Variants in TAFA1 observed in about 807,000 individuals in gnomAD.
TAFA1 encodes the protein TAFA chemokine like family member 1.
In TAFA1, 4 loss-of-function variants were observed where a neutral mutation model predicts 18.5. The observed-to-expected ratio is 0.22, with a 90% CI of 0.11 to 0.49. TAFA1 has a LOEUF of 0.49. Among genes scored for constraint, TAFA1 ranks in the 20% least tolerant of loss-of-function variants. The pLI, the probability that TAFA1 is intolerant of heterozygous loss-of-function variation, is 0.98. For missense variants in TAFA1, 147 were observed against 169.0 expected (o/e 0.87, Z 0.72); for synonymous variants, 56 against 55.2 (o/e 1.01, Z -0.06).
intron 2 of TAFA1, among the ~76,000 whole-genome samples, chr3:68,166,398 T>C (rs2065982583): frequency 6.6e-6 from 1 of 152,154 alleles, no homozygotes; most frequent in Admixed American, 6.5e-5. Flanking sequence ...TATATTATCA[T>C]GCGTTTGAGG....
At chr3:68,175,004 C>T (rs775690767) in intron 2 of TAFA1, among the ~76,000 whole-genome samples, 10 of 152,162 alleles carry the variant, frequency 6.6e-5, no homozygotes, top group Non-Finnish European at 1.0e-4. Flanking sequence ...TGAAAGGGGC[C>T]AATGAAGAGC....
At chr3:68,039,666 T>G (rs934992450) in intron 2 of TAFA1, among the ~76,000 whole-genome samples, 1 of 152,154 alleles carries the variant, frequency 6.6e-6, no homozygotes, top group Non-Finnish European at 1.5e-5. Flanking sequence ...GATGCAGACC[T>G]TGAAACAAGG....
At chr3:68,324,255 GCCTT>G (rs2068740975) in intron 2 of TAFA1, among the ~76,000 whole-genome samples, 1 of 27,776 alleles carries the variant, frequency 3.6e-5, no homozygotes, top group Admixed American at 3.2e-4. Flanking sequence ...GATAAATATA[GCCTT>G]GTTGATAAAT....
intron 2 of TAFA1, among the ~76,000 whole-genome samples, chr3:68,124,414 C>T (rs193101444): frequency 6.6e-6 from 1 of 152,228 alleles, no homozygotes; most frequent in Non-Finnish European, 1.5e-5. Flanking sequence ...TAAGGATGCT[C>T]AGTGGGTTAT....
intron 2 of TAFA1, among the ~76,000 whole-genome samples, chr3:68,238,672 A>G (rs867731960): frequency 6.6e-6 from 1 of 152,172 alleles, no homozygotes; most frequent in African/African-American, 2.4e-5. Context: ...TCCTTTGCCA[A>G]ATTGATGGCT....
chr3:68,211,415 CATA>C (rs2107067631), intron 2 of TAFA1, among the ~76,000 whole-genome samples: 1 of 152,158 alleles, frequency 6.6e-6, no homozygotes, highest in East Asian at 1.9e-4. Flanking sequence ...CCTTCATTTT[CATA>C]ATGATTCCGT....
intron 3 of TAFA1, among the ~76,000 whole-genome samples, chr3:68,464,663 A>G (rs2071851591): frequency 6.6e-6 from 1 of 152,136 alleles, no homozygotes; most frequent in South Asian, 2.1e-4. Flanking sequence ...GCAATGGCAC[A>G]TTTTTGGTGG....
At chr3:68,079,910 G>A (rs1358792571) in intron 2 of TAFA1, among the ~76,000 whole-genome samples, 1 of 151,812 alleles carries the variant, frequency 6.6e-6, no homozygotes, top group African/African-American at 2.4e-5. Context: ...GTTGACAGTG[G>A]GGTGTTAAAG....
At chr3:68,367,681 A>G (rs1197816987) in intron 2 of TAFA1, among the ~76,000 whole-genome samples, 1 of 152,098 alleles carries the variant, frequency 6.6e-6, no homozygotes, top group Non-Finnish European at 1.5e-5. Flanking sequence ...ATCTAGTCCA[A>G]CCATACCCCA....
intron 2 of TAFA1, among the ~76,000 whole-genome samples, chr3:68,035,414 T>A (rs1705025088): frequency 6.6e-6 from 1 of 152,248 alleles, no homozygotes; most frequent in East Asian, 1.9e-4. Context: ...TCTCCATTTT[T>A]AGTATATCAT....
chr3:68,332,272 G>T (rs910144111), intron 2 of TAFA1, among the ~76,000 whole-genome samples: 1 of 151,768 alleles, frequency 6.6e-6, no homozygotes, highest in Non-Finnish European at 1.5e-5. Flanking sequence ...ATTCCAAATG[G>T]ATTAAAGATC....
chr3:68,482,212 G>A (rs1035397947), intron 3 of TAFA1, among the ~76,000 whole-genome samples: 10 of 152,074 alleles, frequency 6.6e-5, no homozygotes, highest in East Asian at 1.9e-4. Context: ...GGGTTTAACC[G>A]TTTTAGCCAG....
chr3:68,302,778 C>A (rs2068329307), intron 2 of TAFA1, among the ~76,000 whole-genome samples: 1 of 152,122 alleles, frequency 6.6e-6, no homozygotes, highest in Admixed American at 6.5e-5. Context: ...TGGACATTTG[C>A]TAACTATACA....
At chr3:68,300,245 T>G (rs1032848807) in intron 2 of TAFA1, among the ~76,000 whole-genome samples, 2 of 150,974 alleles carry the variant, frequency 1.3e-5, no homozygotes, top group African/African-American at 2.4e-5. Flanking sequence ...GCCCACCTCT[T>G]GTATAAGCAT....
chr3:68,050,295 A>C (rs2064452383), intron 2 of TAFA1, among the ~76,000 whole-genome samples: 1 of 152,134 alleles, frequency 6.6e-6, no homozygotes, highest in Non-Finnish European at 1.5e-5. Flanking sequence ...GCCCCTGAGC[A>C]ATGTATCACC....
intron 3 of TAFA1, among the ~76,000 whole-genome samples, chr3:68,489,026 T>C (rs2072402487): frequency 6.6e-6 from 1 of 152,220 alleles, no homozygotes; most frequent in Admixed American, 6.5e-5. Context: ...ACAACTTTCA[T>C]ATTATTATCC....
chr3:68,442,276 T>C (rs2071397907), intron 3 of TAFA1, among the ~76,000 whole-genome samples: 1 of 152,132 alleles, frequency 6.6e-6, no homozygotes, highest in South Asian at 2.1e-4. Context: ...TTCTTGCTGG[T>C]GGGGACTTGG....
intron 2 of TAFA1, among the ~76,000 whole-genome samples, chr3:68,299,154 C>T (rs1223672760): frequency 6.6e-6 from 1 of 152,158 alleles, no homozygotes; most frequent in African/African-American, 2.4e-5. Context: ...TCCACATGTC[C>T]AGGATGGCAC....
At chr3:68,067,238 G>A (rs1052619924) in intron 2 of TAFA1, among the ~76,000 whole-genome samples, 4 of 152,078 alleles carry the variant, frequency 2.6e-5, no homozygotes, top group Non-Finnish European at 4.4e-5. Flanking sequence ...TATGCCTAAC[G>A]TAAGGATTTG....
Sources: allele counts gnomAD v4.1 joint callset (sites outside exome capture counted in the v4.1 genomes callset), GRCh38; gene constraint gnomAD v4.1.1; transcripts MANE v1.5; gene names NCBI Gene and HGNC (gene_info 2026-07-23, HGNC 2026-07-21).